VPS9D1: variants seen among roughly 807,000 people sequenced by gnomAD.
VPS9D1 encodes the protein VPS9 domain-containing protein 1.
Under a neutral mutation model 75.8 loss-of-function variants are expected in VPS9D1, and 78 were observed. That is an observed-to-expected ratio of 1.03 (90% CI 0.86 to 1.24). The LOEUF is 1.24. VPS9D1 is among the 50% of genes most tolerant of loss of function. VPS9D1 has a pLI of 0.00. For synonymous variants in VPS9D1, 481 were observed against 385.6 expected, an observed-to-expected ratio of 1.25 and a Z score of -2.90; for missense variants, 1,057 against 847.7, an observed-to-expected ratio of 1.25 and a Z score of -3.07.
intron 8 of VPS9D1, 170 bp from the exon 9 acceptor site, chr16:89,711,582 G>A (rs1006744826): frequency 8.9e-6 from 6 of 673,274 alleles, no homozygotes; most frequent in Admixed American, 3.1e-5. Flanking sequence ...CACACCCGAG[G>A]GAAACCTTAG....
intron 12 of VPS9D1, 69 bp from the exon 13 acceptor site, chr16:89,709,025 G>GGCCCCCCCCCCCC: frequency 1.6e-6 from 1 of 627,188 alleles, no homozygotes. Context: ...CTTATACCCC[G>GGCCCCCCCCCCCC]CCCACCCACC....
chr16:89,709,362 T>C lies in VPS9D1; in HGVS notation c.1462A>G (p.Ile488Val). ...GGGAGGAGCTTGGTGGGGATGCCAA[T>C]GGCGGTGGGGGGTGCATTCCTGTAG... ...ELYRNAPPTA[I>V]GIPTKLLPQN... Residue 488 changes from isoleucine (I) to valine (V), a missense_variant, in exon 12 of 15, where the codon ATT (isoleucine) becomes GTT (valine). Transcript: ENST00000389386. 6.3e-7 allele frequency: 1 copy of C among 1,577,520 alleles called. No homozygotes were observed. The highest frequency in any genetic ancestry group is 8.6e-7 in the Non-Finnish European group (1 of 1,165,178).
Position 89,709,785 on chromosome 16 carries a change from G to A in VPS9D1, c.1380C>T (p.Ala460=). Reference sequence around the variant, plus strand: ...TACAGCTGGGTCCATACCTGTACAGGGCCAGCAGCAGAGGCCACAGCGGGG... The same window carrying A: ...TACAGCTGGGTCCATACCTGTACAGAGCCAGCAGCAGAGGCCACAGCGGGG... ...FFSPLWPLLL[A]LYRSVHRARE... The change falls in exon 11 of 15, where the codon GCC becomes GCT. Residue 460 remains alanine (A), a synonymous_variant. Transcript: ENST00000389386. 6.2e-7 allele frequency: 1 copy of A among 1,613,716 alleles called. No individual in the cohort carries two copies. The highest frequency in any genetic ancestry group is 1.7e-5 in the Admixed American group (1 of 60,016).
At chr16:89,720,486 C>T (rs537729421) in intron 1 of VPS9D1, 203 of 1,115,530 alleles carry the variant, frequency 1.8e-4, no homozygotes, top group Admixed American at 3.0e-4. Flanking sequence ...GCGGACCCTC[C>T]TGCTACATCT....
intron 2 of VPS9D1, chr16:89,717,597 C>T (rs984939325): frequency 4.4e-6 from 2 of 456,440 alleles, no homozygotes; most frequent in African/African-American, 4.0e-5. Context: ...TTCTCATAGA[C>T]TCCCATTTTC....
intron 2 of VPS9D1, chr16:89,717,630 C>T: frequency 2.2e-6 from 1 of 456,560 alleles, no homozygotes; most frequent in Non-Finnish European, 4.4e-6. Context: ...GATTTAGCCC[C>T]CGACTCCCCC....
chr16:89,714,925 G>C (rs1281811456), intron 4 of VPS9D1, among the ~76,000 whole-genome samples: 1 of 151,896 alleles, frequency 6.6e-6, no homozygotes, highest in Non-Finnish European at 1.5e-5. Context: ...AGTAGAGATG[G>C]GGTTTCACCA....
At chr16:89,714,777 T>C (rs2061022311) in intron 4 of VPS9D1, among the ~76,000 whole-genome samples, 2 of 152,136 alleles carry the variant, frequency 1.3e-5, no homozygotes, top group Admixed American at 6.6e-5. Flanking sequence ...GCTCTGTTGC[T>C]AGGCTGGAGT....
chr16:89,711,080 A>G (rs992802848), intron 9 of VPS9D1, 70 bp from the exon 10 acceptor site: 2 of 1,397,004 alleles, frequency 1.4e-6, no homozygotes, highest in Non-Finnish European at 1.9e-6. Context: ...GTGCCGCGCT[A>G]TGCCCGGTTT....
At chr16:89,717,123 C>G (rs1237708926) in intron 2 of VPS9D1, among the ~76,000 whole-genome samples, 2 of 139,442 alleles carry the variant, frequency 1.4e-5, no homozygotes, top group Non-Finnish European at 3.1e-5. Context: ...CTTCCACCCC[C>G]CACTGACCCC....
intron 6 of VPS9D1, 111 bp from the exon 7 acceptor site, chr16:89,712,210 G>T: frequency 1.4e-6 from 2 of 1,479,578 alleles, no homozygotes; most frequent in Non-Finnish European, 1.8e-6. Flanking sequence ...TCTCGGTGAG[G>T]GGCTGTCCCC....
intron 9 of VPS9D1, 31 bp downstream of exon 9, chr16:89,711,296 G>A (rs1266621091): frequency 3.2e-6 from 5 of 1,582,038 alleles, no homozygotes; most frequent in African/African-American, 2.7e-5. Context: ...CCGGTGCGCA[G>A]GGGCTCTGTG....
At position 89,711,396 on chromosome 16, in the gene VPS9D1, C is replaced by T. The variant is rs776397702; in HGVS notation, c.764G>A (p.Trp255Ter). The T allele has an allele frequency of 5.6e-6, 9 of 1,609,282 alleles. No homozygotes were observed. Among genetic ancestry groups the T allele is most frequent in the East Asian group, 2.2e-5 (1 of 44,726 alleles). ...YEQDHDWPKH[W>*]KAKLKRNPGD... The stretch of plus-strand genomic sequence containing the variant: ...CGGATTCCTCTTGAGCTTGGCCTTC[C>T]AGTGCTTCGGCCAGTCCTACGGGAC... The change falls in exon 9 of 15, where the codon TGG becomes TAG. Residue 255 changes from tryptophan to a stop codon, truncating the protein, a stop_gained. Coordinates refer to ENST00000389386, the MANE Select transcript of VPS9D1 (RefSeq NM_004913.3). LOFTEE classifies it high-confidence loss of function.
intron 2 of VPS9D1, chr16:89,718,059 C>T (rs554716046): frequency 1.9e-4 from 86 of 454,736 alleles, no homozygotes; most frequent in African/African-American, 1.6e-3. Flanking sequence ...TCCAGTGGCT[C>T]CCCCTGACCT....
At position 89,720,770 on chromosome 16, in the gene VPS9D1, C is replaced by A. The variant is rs1481469458; in HGVS notation, c.92G>T (p.Arg31Leu). Residue 31 changes from arginine to leucine, a missense_variant, in exon 1 of 15, where the codon CGG becomes CTG. Arg to Leu is a moderately radical substitution (Grantham distance 102). Coordinates refer to ENST00000389386, the MANE Select transcript of VPS9D1 (RefSeq NM_004913.3). ...GCCCCCGCCCCGCCTCACCCGGGGC[C>A]GGTTGCCGGTGTCCAGCTCGATGGC... Reference protein sequence around the residue: ...NGAIELDTGNRPREAYTEYLR... With the variant: ...NGAIELDTGNLPREAYTEYLR... 3 of 1,451,746 alleles carry A rather than the reference C, an allele frequency of 2.1e-6. No individual in the cohort carries two copies. The highest frequency in any genetic ancestry group is 1.8e-6 in the Non-Finnish European group (2 of 1,098,612). The allele number at this position is 1,451,746 out of a possible 1,614,324, so 89.9% of individuals were successfully genotyped here. A position where few individuals can be genotyped will look rare whatever the true frequency, so the allele number is the denominator to read the frequency against.
chr16:89,710,493 T>G (rs1163384299), intron 10 of VPS9D1, 93 bp downstream of exon 10: 2 of 1,383,684 alleles, frequency 1.4e-6, no homozygotes, highest in Non-Finnish European at 1.9e-6. Context: ...GAGTCTCTGA[T>G]CAACAGACCC....
intron 1 of VPS9D1, among the ~76,000 whole-genome samples, chr16:89,719,905 G>T (rs1404645383): frequency 1.3e-5 from 2 of 152,168 alleles, no homozygotes; most frequent in Non-Finnish European, 2.9e-5. Flanking sequence ...TTTTAGTAGA[G>T]ACGGGGTTTC....
chr16:89,718,652 G>A (rs1181315726), intron 2 of VPS9D1, among the ~76,000 whole-genome samples: 3 of 152,140 alleles, frequency 2.0e-5, no homozygotes, highest in South Asian at 2.1e-4. Context: ...CAAGGGCTAG[G>A]ATGCCCACAA....
At chr16:89,709,173 G>A (rs1847000592) in intron 12 of VPS9D1, 54 bp downstream of exon 12, 6 of 1,603,890 alleles carry the variant, frequency 3.7e-6, no homozygotes, top group South Asian at 1.1e-5. Context: ...CAGGCTCCAG[G>A]TCACCTACTG....
Sources: gnomAD v4.1 joint callset for allele counts (sites outside exome capture counted in the v4.1 genomes callset) on GRCh38, gnomAD v4.1.1 for gene constraint, MANE v1.5 for transcripts, NCBI Gene and HGNC (gene_info 2026-07-23, HGNC 2026-07-21) for gene names.